RANBP2: variants seen among roughly 807,000 people sequenced by gnomAD.
RANBP2 encodes E3 SUMO-protein ligase RanBP2.
A neutral mutation model predicts 303.6 loss-of-function variants in RANBP2; 57 were observed. That is an observed-to-expected ratio of 0.19 (90% CI 0.15 to 0.23). RANBP2 has a LOEUF of 0.23. Among genes scored for constraint, RANBP2 ranks in the 10% least tolerant of loss-of-function variants. The pLI, the probability that RANBP2 is intolerant of heterozygous loss-of-function variation, is 1.00. For missense variants in RANBP2, 3,138 were observed against 3,780.8 expected, an observed-to-expected ratio of 0.83 and a Z score of 4.46; for synonymous variants, 1,167 against 1,301.5, an observed-to-expected ratio of 0.90 and a Z score of 2.23.
chr2:108,841,550 A>G, the RANBP2 span, among the ~76,000 whole-genome samples: 1 of 152,076 alleles, frequency 6.6e-6, no homozygotes, highest in African/African-American at 2.4e-5. Flanking sequence ...TCTGATACTA[A>G]TATAGAGACT....
the RANBP2 span, among the ~76,000 whole-genome samples, chr2:108,969,064 C>T: frequency 2.0e-5 from 3 of 152,154 alleles, no homozygotes; most frequent in Non-Finnish European, 2.9e-5. Flanking sequence ...CTGAATGAGT[C>T]CCTGATGCAC....
the RANBP2 span, among the ~76,000 whole-genome samples, chr2:108,855,400 G>C: frequency 6.6e-6 from 1 of 151,974 alleles, no homozygotes; most frequent in Non-Finnish European, 1.5e-5. Context: ...GTCAAATACA[G>C]TAGGTGGCAC....
the RANBP2 span, among the ~76,000 whole-genome samples, chr2:108,846,336 G>A: frequency 1.9e-3 from 282 of 152,148 alleles, no homozygotes; most frequent in Non-Finnish European, 3.1e-3. Context: ...CTTTAAATTA[G>A]CCACAGATTT....
the RANBP2 span, among the ~76,000 whole-genome samples, chr2:108,971,170 G>A: frequency 1.4e-4 from 22 of 152,152 alleles, no homozygotes; most frequent in Non-Finnish European, 7.4e-5. Context: ...CTGGCTACAT[G>A]TTTTCCGTCT....
chr2:108,853,088 C>T, the RANBP2 span, among the ~76,000 whole-genome samples: 1 of 152,092 alleles, frequency 6.6e-6, no homozygotes, highest in Admixed American at 6.6e-5. Flanking sequence ...TAAAAATGTT[C>T]CAAGGTGTTA....
the RANBP2 span, among the ~76,000 whole-genome samples, chr2:109,350,225 G>A: frequency 1.3e-5 from 2 of 152,200 alleles, no homozygotes; most frequent in Non-Finnish European, 2.9e-5. Context: ...TCCCAAGTGG[G>A]CAATGTCACC....
chr2:108,754,834 A>G (rs1353285055), intron 15 of RANBP2, 71 bp from the exon 16 acceptor site: 6 of 1,600,736 alleles, frequency 3.7e-6, no homozygotes, highest in East Asian at 2.2e-5. Flanking sequence ...GATAAAATAT[A>G]TCATTTTAGA....
At chr2:109,285,230 C>T in the RANBP2 span, among the ~76,000 whole-genome samples, 3 of 152,182 alleles carry the variant, frequency 2.0e-5, no homozygotes, top group African/African-American at 7.2e-5. Flanking sequence ...GTTGCCCTGC[C>T]CTGTGCTTGC....
the RANBP2 span, among the ~76,000 whole-genome samples, chr2:108,831,364 T>C: frequency 6.6e-6 from 1 of 152,196 alleles, no homozygotes; most frequent in Admixed American, 6.5e-5. Context: ...TTGTTACTTT[T>C]TTAGTAGGAC....
At chr2:109,399,868 C>T in the RANBP2 span, among the ~76,000 whole-genome samples, 1 of 152,194 alleles carries the variant, frequency 6.6e-6, no homozygotes, top group Non-Finnish European at 1.5e-5. Context: ...AGGACTGTGG[C>T]AGATGTCCAT....
At chr2:109,148,241 G>C in the RANBP2 span, among the ~76,000 whole-genome samples, 7 of 152,206 alleles carry the variant, frequency 4.6e-5, no homozygotes, top group Non-Finnish European at 7.3e-5. Context: ...TGCAGTATCT[G>C]TTTTCTCTTG....
the RANBP2 span, among the ~76,000 whole-genome samples, chr2:108,974,766 A>AGAAACT: frequency 3.9e-5 from 6 of 152,234 alleles, no homozygotes; most frequent in East Asian, 1.9e-4. Flanking sequence ...TTTCAGATAA[A>AGAAACT]GAAACTGAAA....
chr2:109,153,387 G>A, the RANBP2 span, among the ~76,000 whole-genome samples: 1 of 152,116 alleles, frequency 6.6e-6, no homozygotes, highest in African/African-American at 2.4e-5. Flanking sequence ...CTGAGGTTTG[G>A]AAAGGCAATT....
the RANBP2 span, among the ~76,000 whole-genome samples, chr2:109,407,151 C>T: frequency 1.6e-4 from 25 of 151,736 alleles, 1 homozygote; most frequent in South Asian, 2.7e-3. Flanking sequence ...CAGGCTGACT[C>T]GCCGTCCAGC....
chr2:108,895,435 G>A, the RANBP2 span: 1 of 152,568 alleles, frequency 6.6e-6, no homozygotes, highest in East Asian at 1.9e-4. Flanking sequence ...GCTCTTGGCA[G>A]TTACAGGGAT....
the RANBP2 span, among the ~76,000 whole-genome samples, chr2:109,601,222 T>C: frequency 6.6e-6 from 1 of 152,206 alleles, no homozygotes; most frequent in Non-Finnish European, 1.5e-5. Flanking sequence ...TGCCTTGTTC[T>C]TTCTGGTGAC....
At chr2:108,722,793 A>G (rs1694372466) in intron 1 of RANBP2, among the ~76,000 whole-genome samples, 1 of 151,304 alleles carries the variant, frequency 6.6e-6, no homozygotes, top group East Asian at 1.9e-4. Flanking sequence ...CGGTAGGCTG[A>G]GACAGGAGAA....
At chr2:109,163,390 CTTTTTTTTT>C in the RANBP2 span, among the ~76,000 whole-genome samples, 8 of 70,268 alleles carry the variant, frequency 1.1e-4, no homozygotes, top group African/African-American at 4.7e-4. Flanking sequence ...AGCAAATATT[CTTTTTTTTT>C]TTTTTTTTTT....
the RANBP2 span, among the ~76,000 whole-genome samples, chr2:108,879,683 G>T: frequency 6.6e-6 from 1 of 151,988 alleles, no homozygotes; most frequent in South Asian, 2.1e-4. Context: ...TCTTTTAATT[G>T]TTACCATTTT....
Sources: allele counts gnomAD v4.1 joint callset (sites outside exome capture counted in the v4.1 genomes callset), GRCh38; gene constraint gnomAD v4.1.1; transcripts MANE v1.5; gene names NCBI Gene and HGNC (gene_info 2026-07-23, HGNC 2026-07-21).